RAB38: variants seen among roughly 807,000 people sequenced by gnomAD.
RAB38 encodes the protein RAB38, member RAS oncogene family, also known as ras-related protein Rab-38.
Under a neutral mutation model 18.4 loss-of-function variants are expected in RAB38, and 15 were observed. The observed-to-expected ratio is 0.82, with a 90% CI of 0.55 to 1.26. The LOEUF (loss-of-function observed/expected upper bound fraction) is 1.26. Among genes scored for constraint, RAB38 ranks in the 50% most tolerant of loss-of-function variants. The pLI is 0.00. For synonymous variants in RAB38, 101 were observed against 104.4 expected, an observed-to-expected ratio of 0.97 and a Z score of 0.20; for missense variants, 294 against 267.4, an observed-to-expected ratio of 1.10 and a Z score of -0.69.
the RAB38 span, among the ~76,000 whole-genome samples, chr11:87,947,092 G>A: frequency 2.0e-5 from 3 of 152,156 alleles, no homozygotes; most frequent in Non-Finnish European, 4.4e-5. Context: ...TCTAACTGGT[G>A]TGAGATGGTA....
the RAB38 span, among the ~76,000 whole-genome samples, chr11:87,902,920 T>C: frequency 6.6e-6 from 1 of 151,182 alleles, no homozygotes; most frequent in East Asian, 2.0e-4. Context: ...TTGTATCTTT[T>C]AGTCTTTCTA....
the RAB38 span, among the ~76,000 whole-genome samples, chr11:87,870,011 T>G: frequency 6.6e-6 from 1 of 151,700 alleles, no homozygotes; most frequent in Non-Finnish European, 1.5e-5. Flanking sequence ...ATTATATTCA[T>G]ACTTATGCTT....
chr11:88,157,380 A>G (rs900397498), intron 1 of RAB38, among the ~76,000 whole-genome samples: 2 of 152,212 alleles, frequency 1.3e-5, no homozygotes, highest in Non-Finnish European at 2.9e-5. Context: ...GACAGAGACA[A>G]CCACATAATA....
At chr11:87,838,765 T>A in the RAB38 span, among the ~76,000 whole-genome samples, 1 of 152,232 alleles carries the variant, frequency 6.6e-6, no homozygotes, top group African/African-American at 2.4e-5. Flanking sequence ...ACATATGACA[T>A]CCTGAAATAG....
chr11:88,122,024 T>C (rs903598642), intron 2 of RAB38, among the ~76,000 whole-genome samples: 20 of 152,298 alleles, frequency 1.3e-4, no homozygotes, highest in African/African-American at 4.6e-4. Context: ...AATTGATCAA[T>C]TTATTTATTT....
the RAB38 span, among the ~76,000 whole-genome samples, chr11:87,863,140 G>A: frequency 6.6e-6 from 1 of 151,828 alleles, no homozygotes; most frequent in Non-Finnish European, 1.5e-5. Flanking sequence ...AATAGTAGAT[G>A]AGCGGGACTA....
chr11:88,008,759 C>T, the RAB38 span, among the ~76,000 whole-genome samples: 1 of 152,216 alleles, frequency 6.6e-6, no homozygotes, highest in African/African-American at 2.4e-5. Flanking sequence ...CTGCAAGCTC[C>T]GCCTCGCGGA....
At chr11:88,044,885 C>T in the RAB38 span, among the ~76,000 whole-genome samples, 2 of 152,140 alleles carry the variant, frequency 1.3e-5, no homozygotes, top group African/African-American at 4.8e-5. Flanking sequence ...CTCCACCACC[C>T]TATAATCCTT....
chr11:88,050,236 C>G, the RAB38 span: 102 of 152,280 alleles, frequency 6.7e-4, 1 homozygote, highest in African/African-American at 2.3e-3. Flanking sequence ...TCAATGGTAG[C>G]AAATACTGTA....
chr11:88,067,983 T>TTATATATATACACATATATATACTTA, the RAB38 span, among the ~76,000 whole-genome samples: 3 of 146,766 alleles, frequency 2.0e-5, no homozygotes, highest in Non-Finnish European at 4.5e-5. Flanking sequence ...ATATATATAC[T>TTATATATATACACATATATATACTTA]TATATATATA....
the RAB38 span, among the ~76,000 whole-genome samples, chr11:87,838,316 G>A: frequency 6.6e-5 from 10 of 151,988 alleles, no homozygotes; most frequent in East Asian, 3.9e-4. Context: ...GAGTTTCACC[G>A]TGTTAGCCAG....
chr11:88,159,517 A>C (rs2134842325), intron 1 of RAB38, among the ~76,000 whole-genome samples: 1 of 152,098 alleles, frequency 6.6e-6, no homozygotes, highest in East Asian at 1.9e-4. Flanking sequence ...AAAAAAGACC[A>C]ATAGCCAAAG....
intron 2 of RAB38, among the ~76,000 whole-genome samples, chr11:88,130,748 G>C (rs1216239913): frequency 6.6e-6 from 1 of 152,122 alleles, no homozygotes; most frequent in Non-Finnish European, 1.5e-5. Context: ...AGTTTCTCAG[G>C]TGGTAGTATA....
the RAB38 span, among the ~76,000 whole-genome samples, chr11:87,930,034 C>T: frequency 1.3e-4 from 20 of 152,074 alleles, no homozygotes; most frequent in East Asian, 1.9e-4. Flanking sequence ...TACGTGTGCA[C>T]GTGTCTTTAT....
chr11:87,947,374 C>T, the RAB38 span, among the ~76,000 whole-genome samples: 2 of 136,190 alleles, frequency 1.5e-5, no homozygotes. Flanking sequence ...TTTTGCTGTG[C>T]AGAAGCTCTT....
the RAB38 span, among the ~76,000 whole-genome samples, chr11:88,088,779 G>C: frequency 6.6e-6 from 1 of 151,794 alleles, no homozygotes; most frequent in Non-Finnish European, 1.5e-5. Context: ...AAAGCAATGT[G>C]AGAGTCAAAA....
the RAB38 span, among the ~76,000 whole-genome samples, chr11:87,969,537 A>AT: frequency 6.6e-6 from 1 of 152,166 alleles, no homozygotes. Flanking sequence ...AACCTCCTTA[A>AT]TTTATAATTT....
intron 2 of RAB38, among the ~76,000 whole-genome samples, chr11:88,127,161 G>A (rs2129414): frequency 0.85 from 129,239 of 152,222 alleles, 55,164 homozygotes; most frequent in Middle Eastern, 0.9. Context: ...TTAGAAGATC[G>A]TGGAGTGTGC....
Position 88,136,955 on chromosome 11 carries a change from C to T in RAB38, c.483+12720G>A, listed in dbSNP as rs573265830. The stretch of plus-strand genomic sequence containing the variant: ...AACTAAAGAAAGGAGACTTGAGACT[C>T]AAGAGACACCAACTAGCATACCCCT... On this transcript the variant is annotated intron_variant, in intron 2 of 2. Coordinates refer to ENST00000243662, the MANE Select transcript of RAB38 (RefSeq NM_022337.3). 3.3e-5 allele frequency among the ~76,000 whole-genome samples: 5 copies of T among 152,276 alleles called. No individual in the cohort carries two copies. The South Asian group carries it at 1.0e-3, about 32-fold the overall frequency.
Sources: gnomAD v4.1 joint callset for allele counts (sites outside exome capture counted in the v4.1 genomes callset) on GRCh38, gnomAD v4.1.1 for gene constraint, MANE v1.5 for transcripts, NCBI Gene and HGNC (gene_info 2026-07-23, HGNC 2026-07-21) for gene names.